Variants in DAB1 observed in about 807,000 individuals in gnomAD.
DAB1 encodes disabled homolog 1.
DAB1 carries 15 observed loss-of-function variants against 64.6 expected under a neutral mutation model. The ratio of observed to expected loss-of-function variants is 0.23; its 90% CI spans 0.16 to 0.36. The LOEUF (loss-of-function observed/expected upper bound fraction) is 0.36. Ranked by LOEUF, DAB1 falls within the 10% of genes least tolerant of loss-of-function variation. DAB1 has a pLI of 1.00. For missense variants in DAB1, 596 were observed against 706.7 expected, an observed-to-expected ratio of 0.84 and a Z score of 1.78; for synonymous variants, 235 against 251.9, an observed-to-expected ratio of 0.93 and a Z score of 0.64.
At chr1:57,273,809 A>C (rs1385130217) in intron 2 of DAB1, among the ~76,000 whole-genome samples, 1 of 151,854 alleles carries the variant, frequency 6.6e-6, no homozygotes, top group Admixed American at 6.6e-5. Flanking sequence ...TGACTGCTCC[A>C]TCTACTGTTG....
At chr1:57,847,115 A>G (rs1187849179) in intron 1 of DAB1, among the ~76,000 whole-genome samples, 1 of 152,202 alleles carries the variant, frequency 6.6e-6, no homozygotes, top group Admixed American at 6.5e-5. Context: ...AACAGCCATC[A>G]CTATTCCTCT....
intron 7 of DAB1, among the ~76,000 whole-genome samples, chr1:57,461,242 C>T (rs1339872783): frequency 6.6e-6 from 1 of 152,216 alleles, no homozygotes; most frequent in Admixed American, 6.5e-5. Flanking sequence ...ACTCTCAGCA[C>T]TTCTGCACTG....
At chr1:57,010,812 C>CT (rs551230518) in intron 13 of DAB1, 22 bp from the exon 14 acceptor site, 6,668 of 1,409,230 alleles carry the variant, frequency 4.7e-3, no homozygotes, top group South Asian at 7.4e-3. Flanking sequence ...GAAGATAATA[C>CT]TTTTTTTTTT....
intron 7 of DAB1, among the ~76,000 whole-genome samples, chr1:57,560,676 G>GGCTGCTGAGCAA (rs1645039893): frequency 6.6e-6 from 1 of 152,004 alleles, no homozygotes. Flanking sequence ...AACAGGTCCA[G>GGCTGCTGAGCAA]GCTGCTGTGC....
At chr1:57,995,712 G>A (rs910522959) in intron 5 of DAB1, among the ~76,000 whole-genome samples, 15 of 151,810 alleles carry the variant, frequency 9.9e-5, no homozygotes, top group Admixed American at 9.2e-4. Context: ...ACCCTCTAGG[G>A]AAAAAGGACT....
intron 6 of DAB1, among the ~76,000 whole-genome samples, chr1:57,678,705 C>T (rs898208808): frequency 6.6e-6 from 1 of 151,166 alleles, no homozygotes; most frequent in Non-Finnish European, 1.5e-5. Context: ...CAATGCCAAG[C>T]ATCTCGCTTA....
intron 6 of DAB1, among the ~76,000 whole-genome samples, chr1:57,781,831 G>T (rs1430887917): frequency 6.6e-6 from 1 of 151,906 alleles, no homozygotes; most frequent in Non-Finnish European, 1.5e-5. Flanking sequence ...AAACTGATTT[G>T]GATCTTTACC....
intron 1 of DAB1, chr1:58,542,605 G>A (rs1466940406): frequency 6.6e-6 from 1 of 152,126 alleles, no homozygotes; most frequent in African/African-American, 2.4e-5. Context: ...TGTTTTAAAT[G>A]GGAAAGTGTT....
chr1:57,653,585 T>G (rs1054784860), intron 6 of DAB1, among the ~76,000 whole-genome samples: 1 of 152,138 alleles, frequency 6.6e-6, no homozygotes, highest in Admixed American at 6.5e-5. Flanking sequence ...TGCTGTGCCA[T>G]AGAGTACATG....
chr1:57,804,111 A>G (rs1000485658), intron 6 of DAB1, among the ~76,000 whole-genome samples: 2 of 152,210 alleles, frequency 1.3e-5, no homozygotes, highest in Non-Finnish European at 1.5e-5. Flanking sequence ...GTCATAGAAC[A>G]TAACTATCAA....
At chr1:57,786,025 C>T (rs1308849437) in intron 6 of DAB1, among the ~76,000 whole-genome samples, 1 of 152,150 alleles carries the variant, frequency 6.6e-6, no homozygotes, top group African/African-American at 2.4e-5. Flanking sequence ...CTACCCTGAT[C>T]AATCAGCAGC....
At chr1:57,058,311 A>G (rs1277093005) in intron 9 of DAB1, among the ~76,000 whole-genome samples, 5 of 152,238 alleles carry the variant, frequency 3.3e-5, no homozygotes, top group African/African-American at 1.2e-4. Flanking sequence ...TTGAGAACCA[A>G]CACTGTCTTA....
chr1:58,343,620 C>T (rs573123726), intron 3 of DAB1, among the ~76,000 whole-genome samples: 15 of 152,286 alleles, frequency 9.8e-5, no homozygotes, highest in African/African-American at 3.4e-4. Flanking sequence ...TGTTGTGCTG[C>T]GTGAAGAGCA....
chr1:57,678,710 C>T (rs538622003), intron 6 of DAB1, among the ~76,000 whole-genome samples: 4 of 150,758 alleles, frequency 2.7e-5, no homozygotes, highest in Non-Finnish European at 4.4e-5. Context: ...CCAAGCATCT[C>T]GCTTAGTATT....
At chr1:58,432,436 C>A (rs1337119790) in intron 3 of DAB1, among the ~76,000 whole-genome samples, 2 of 152,204 alleles carry the variant, frequency 1.3e-5, no homozygotes, top group Non-Finnish European at 2.9e-5. Context: ...TCTCCTGACA[C>A]ATGGCTGATT....
chr1:57,952,929 G>C (rs190118546), intron 5 of DAB1, among the ~76,000 whole-genome samples: 1 of 152,208 alleles, frequency 6.6e-6, no homozygotes, highest in East Asian at 1.9e-4. Flanking sequence ...GACTTGCACC[G>C]ATCATAATCA....
rs12034905 is a variant in DAB1, at chr1:58,242,275, A to G, written n.310-91687T>C. 0.018 allele frequency among the ~76,000 whole-genome samples: 2,772 copies of G among 152,168 alleles called. 226 individuals carry two copies. The East Asian group carries it at 0.23, about 13-fold the overall frequency. Reference sequence around the variant, plus strand: ...AAACCAATGACAAAAATTCCTGCCTATGTATATGTGTGTGTGAATGTATGT... The same window carrying G: ...AAACCAATGACAAAAATTCCTGCCTGTGTATATGTGTGTGTGAATGTATGT... On this transcript the variant is annotated intron_variant and non_coding_transcript_variant, in intron 4 of 20. Transcript: ENST00000485760.
intron 1 of DAB1, among the ~76,000 whole-genome samples, chr1:57,415,276 CACACAT>C (rs778261831): frequency 0.014 from 2,019 of 148,126 alleles, 24 homozygotes; most frequent in South Asian, 0.025. Context: ...CACACACACA[CACACAT>C]ATATGCACAC....
Position 57,291,040 on chromosome 1 carries a change from T to C in DAB1, c.-10A>G. On this transcript the variant is annotated 5_prime_UTR_variant, in exon 2 of 15. Transcript: ENST00000371236. ...CTGTCTCAGTTGACATCCTACTTAA[T>C]CCTTAGTCCACTTCACACAGATCCC... The C allele has an allele frequency of 3.7e-6, 6 of 1,606,396 alleles. No individual in the cohort carries two copies. The highest frequency in any genetic ancestry group is 5.1e-6 in the Non-Finnish European group (6 of 1,175,628).
Sources: gnomAD v4.1 joint callset for allele counts (sites outside exome capture counted in the v4.1 genomes callset) on GRCh38, gnomAD v4.1.1 for gene constraint, MANE v1.5 for transcripts, NCBI Gene and HGNC (gene_info 2026-07-23, HGNC 2026-07-21) for gene names.